TAFA4: variants seen among roughly 807,000 people sequenced by gnomAD.
The protein encoded by TAFA4 is TAFA chemokine like family member 4.
A neutral mutation model predicts 21.1 loss-of-function variants in TAFA4; 20 were observed. The ratio of observed to expected loss-of-function variants is 0.95; its 90% CI spans 0.67 to 1.38. TAFA4 has a LOEUF of 1.38. TAFA4 is among the 40% of genes most tolerant of loss of function. The pLI is 0.00. For synonymous variants in TAFA4, 71 were observed against 67.4 expected (o/e 1.05, Z -0.26); for missense variants, 211 against 180.9 (o/e 1.17, Z -0.95).
chr3:68,922,784 CTGAT>C (rs1178780061), intron 1 of TAFA4, among the ~76,000 whole-genome samples: 1 of 152,060 alleles, frequency 6.6e-6, no homozygotes, highest in Non-Finnish European at 1.5e-5. Context: ...TTTTCCTTTC[CTGAT>C]TAATACTTCA....
intron 3 of TAFA4, among the ~76,000 whole-genome samples, chr3:68,836,184 G>T (rs533785925): frequency 2.6e-5 from 4 of 152,262 alleles, no homozygotes; most frequent in Non-Finnish European, 4.4e-5. Context: ...TTGAATATTG[G>T]TTCTGTTTTG....
rs1372864808 is a variant in TAFA4, at chr3:68,757,266, A to T, written c.131-4248T>A. Among the ~76,000 whole-genome samples the T allele has an allele frequency of 3.3e-5, 5 of 151,752 alleles. No individual in the cohort carries two copies. In the East Asian group the frequency reaches 9.7e-4, roughly 29 times the overall value. On this transcript the variant is annotated intron_variant, in intron 3 of 5. Coordinates refer to ENST00000295569, the MANE Select transcript of TAFA4 (RefSeq NM_182522.5). ...TGTCCTCACATGGAGGACAGAACAAACTCTGGTGTCTCTTCCCCTTTTTAT... is the reference window on the plus strand; with the variant it reads ...TGTCCTCACATGGAGGACAGAACAATCTCTGGTGTCTCTTCCCCTTTTTAT...
intron 3 of TAFA4, among the ~76,000 whole-genome samples, chr3:68,800,914 ATCAGCTTTG>A (rs1703564572): frequency 6.6e-6 from 1 of 152,210 alleles, no homozygotes; most frequent in Non-Finnish European, 1.5e-5. Flanking sequence ...ATGATGGGAC[ATCAGCTTTG>A]TCACCAAAGC....
intron 1 of TAFA4, among the ~76,000 whole-genome samples, chr3:68,924,998 C>T (rs560067061): frequency 6.6e-6 from 1 of 152,270 alleles, no homozygotes; most frequent in East Asian, 1.9e-4. Context: ...ATTCCGCATA[C>T]AAGGAGAATG....
chr3:68,875,442 A>T (rs546655132), intron 3 of TAFA4, among the ~76,000 whole-genome samples: 3 of 152,254 alleles, frequency 2.0e-5, no homozygotes, highest in African/African-American at 7.2e-5. Context: ...GCCTTTTTCC[A>T]TTGCTACCAA....
intron 3 of TAFA4, among the ~76,000 whole-genome samples, chr3:68,833,969 C>T (rs1207322056): frequency 1.3e-5 from 2 of 152,166 alleles, no homozygotes; most frequent in East Asian, 1.9e-4. Flanking sequence ...GCCCCTAACA[C>T]TCAGTTGGAG....
chr3:68,732,025 T>C lies in TAFA4; in HGVS notation c.*1117A>G, dbSNP rs1702157508. 1 of 152,538 alleles carries C rather than the reference T, an allele frequency of 6.6e-6. No homozygotes were observed. The highest frequency in any genetic ancestry group is 2.4e-5 in the African/African-American group (1 of 41,462). The allele number at this position is 152,538 out of a possible 1,614,324, so 9.4% of individuals were successfully genotyped here. A position where few individuals can be genotyped will look rare whatever the true frequency, so the allele number is the denominator to read the frequency against. On this transcript the variant is annotated 3_prime_UTR_variant, in exon 6 of 6. Coordinates refer to ENST00000295569, the MANE Select transcript of TAFA4 (RefSeq NM_182522.5). The stretch of plus-strand genomic sequence containing the variant: ...CATCCCATATTTTTACAGTAGTATG[T>C]ACTTTAACAACATTATACATCTAAA...
At chr3:68,838,117 T>A (rs932343455) in intron 3 of TAFA4, among the ~76,000 whole-genome samples, 10 of 152,148 alleles carry the variant, frequency 6.6e-5, no homozygotes, top group African/African-American at 2.4e-4. Flanking sequence ...ACAACTATGT[T>A]GTATTAGGTT....
At chr3:68,843,193 T>A (rs1387944455) in intron 3 of TAFA4, among the ~76,000 whole-genome samples, 1 of 152,048 alleles carries the variant, frequency 6.6e-6, no homozygotes, top group Non-Finnish European at 1.5e-5. Flanking sequence ...ATTTGTGTCC[T>A]CACTTATTTC....
At chr3:68,764,552 T>G (rs1157586296) in intron 3 of TAFA4, among the ~76,000 whole-genome samples, 1 of 152,164 alleles carries the variant, frequency 6.6e-6, no homozygotes, top group Non-Finnish European at 1.5e-5. Flanking sequence ...AACAAATCAC[T>G]CGTGTTTCTG....
intron 3 of TAFA4, among the ~76,000 whole-genome samples, chr3:68,821,785 G>A (rs1704118482): frequency 6.6e-6 from 1 of 152,030 alleles, no homozygotes; most frequent in Non-Finnish European, 1.5e-5. Context: ...CTTCTTTCAG[G>A]TGTTTTACCC....
intron 3 of TAFA4, among the ~76,000 whole-genome samples, chr3:68,863,718 C>A (rs2089381167): frequency 6.6e-6 from 1 of 152,108 alleles, no homozygotes; most frequent in African/African-American, 2.4e-5. Flanking sequence ...TTAAAATATT[C>A]TTATCTGAAA....
At chr3:68,756,130 G>C (rs563739098) in intron 3 of TAFA4, among the ~76,000 whole-genome samples, 1 of 152,198 alleles carries the variant, frequency 6.6e-6, no homozygotes, top group East Asian at 1.9e-4. Context: ...CTGTGTGTGA[G>C]ATAATAATGT....
At chr3:68,739,299 T>C in intron 4 of TAFA4, 100 bp from the exon 5 acceptor site, 1 of 1,381,048 alleles carries the variant, frequency 7.2e-7, no homozygotes, top group South Asian at 1.4e-5. Flanking sequence ...GTTCAAAGAT[T>C]GCTATTAAAT....
intron 1 of TAFA4, among the ~76,000 whole-genome samples, chr3:68,913,220 A>G (rs1238952470): frequency 2.0e-5 from 3 of 152,204 alleles, no homozygotes; most frequent in Non-Finnish European, 2.9e-5. Flanking sequence ...CTGTACATGC[A>G]TCTTCCATCT....
intron 3 of TAFA4, among the ~76,000 whole-genome samples, chr3:68,785,522 T>A (rs1703237515): frequency 6.6e-6 from 1 of 152,188 alleles, no homozygotes; most frequent in Non-Finnish European, 1.5e-5. Flanking sequence ...GCCCAGGTGC[T>A]AAGCCCCTCA....
intron 3 of TAFA4, among the ~76,000 whole-genome samples, chr3:68,874,709 C>T (rs1034056762): frequency 6.6e-6 from 1 of 152,026 alleles, no homozygotes; most frequent in Admixed American, 6.6e-5. Flanking sequence ...GCCTACTCTG[C>T]CAAGTAGGAT....
At chr3:68,781,032 C>T (rs1559518847) in intron 3 of TAFA4, among the ~76,000 whole-genome samples, 1 of 152,010 alleles carries the variant, frequency 6.6e-6, no homozygotes, top group East Asian at 1.9e-4. Flanking sequence ...ACAATACATT[C>T]CTAAATAATT....
intron 3 of TAFA4, among the ~76,000 whole-genome samples, chr3:68,754,709 C>G (rs1702626022): frequency 6.6e-6 from 1 of 152,140 alleles, no homozygotes; most frequent in Admixed American, 6.5e-5. Context: ...CATTCTTTAT[C>G]AAACTGTCAC....
Sources: gnomAD v4.1 joint callset for allele counts (sites outside exome capture counted in the v4.1 genomes callset) on GRCh38, gnomAD v4.1.1 for gene constraint, MANE v1.5 for transcripts, NCBI Gene and HGNC (gene_info 2026-07-23, HGNC 2026-07-21) for gene names.